NCAM1: variants seen among roughly 807,000 people sequenced by gnomAD.
NCAM1 encodes the protein antigen recognized by monoclonal antibody 5.1H11.
A neutral mutation model predicts 109.8 loss-of-function variants in NCAM1; 14 were observed. That is an observed-to-expected ratio of 0.13 (90% CI 0.08 to 0.20). The LOEUF (loss-of-function observed/expected upper bound fraction) is 0.20. NCAM1 is among the 10% of genes least tolerant of loss of function. The pLI, the probability that NCAM1 is intolerant of heterozygous loss-of-function variation, is 1.00. For synonymous variants in NCAM1, 418 were observed against 442.9 expected (o/e 0.94, Z 0.70); for missense variants, 774 against 1,109.9 (o/e 0.70, Z 4.30).
At chr11:113,098,477 T>C (rs1355640073) in intron 1 of NCAM1, among the ~76,000 whole-genome samples, 5 of 151,392 alleles carry the variant, frequency 3.3e-5, no homozygotes, top group African/African-American at 1.2e-4. Context: ...TTCAAATATA[T>C]TTGATCCACG....
At chr11:113,186,150 C>G (rs1417686498) in intron 1 of NCAM1, among the ~76,000 whole-genome samples, 1 of 152,198 alleles carries the variant, frequency 6.6e-6, no homozygotes, top group Non-Finnish European at 1.5e-5. Context: ...GTCCCCAGCC[C>G]TGGGCTGCAG....
At chr11:113,044,398 T>TA (rs1953189173) in intron 1 of NCAM1, among the ~76,000 whole-genome samples, 1 of 152,282 alleles carries the variant, frequency 6.6e-6, no homozygotes, top group Admixed American at 6.5e-5. Flanking sequence ...AAAACATGAT[T>TA]TGTAGGCTGG....
rs577445243 is a variant in NCAM1 at position 112,979,590 on chromosome 11, G to A, written c.52+17926G>A. ...TTAAAGCAGAGGAGACTTCTTTATT[G>A]CACTGACTCAGGTCGACTGGAATCT... On this transcript the variant is annotated intron_variant, in intron 1 of 19. Coordinates refer to ENST00000316851, the MANE Select transcript of NCAM1 (RefSeq NM_181351.5). 4.6e-5 allele frequency among the ~76,000 whole-genome samples: 7 copies of A among 151,878 alleles called. No individual in the cohort carries two copies. In the East Asian group the frequency reaches 1.4e-3, roughly 30 times the overall value.
intron 2 of NCAM1, among the ~76,000 whole-genome samples, chr11:113,203,153 A>G (rs1010230494): frequency 2.8e-4 from 42 of 152,328 alleles, no homozygotes; most frequent in African/African-American, 9.4e-4. Flanking sequence ...GATTCAGAAC[A>G]TGGAAGAACC....
intron 1 of NCAM1, among the ~76,000 whole-genome samples, chr11:113,058,538 T>C (rs1953798069): frequency 6.6e-6 from 1 of 152,198 alleles, no homozygotes; most frequent in Non-Finnish European, 1.5e-5. Context: ...CCTGTATTTA[T>C]AGACTCTTTA....
At chr11:113,199,829 T>TAAAAA (rs1555111558) in intron 1 of NCAM1, among the ~76,000 whole-genome samples, 5 of 115,774 alleles carry the variant, frequency 4.3e-5, no homozygotes, top group East Asian at 5.2e-4. Context: ...GAAACACCCT[T>TAAAAA]AAAAAAAAAA....
At position 113,088,548 on chromosome 11, in the gene NCAM1, ACTGATCAT is replaced by A. The variant is rs1939193625; in HGVS notation, c.53-113830_53-113823del. On this transcript the variant is annotated intron_variant, in intron 1 of 19. Transcript: ENST00000316851. Reference sequence around the variant, plus strand: ...CCATTTGATATGGCATAGCGATCTCACTGATCATTGGGTAAAACACTAGTACCTAGCTA... The same window carrying A: ...CCATTTGATATGGCATAGCGATCTCATGGGTAAAACACTAGTACCTAGCTA... 3.3e-4 allele frequency among the ~76,000 whole-genome samples: 3 copies of A among 9,204 alleles called. No individual in the cohort carries two copies. The African/African-American group carries it at 7.0e-3, about 21-fold the overall frequency. 6.0% of individuals were successfully genotyped at this position (9,204 alleles called of 152,430 possible). A position where few individuals can be genotyped will look rare whatever the true frequency, so the allele number is the denominator to read the frequency against.
At chr11:112,964,630 G>A (rs1278210336) in intron 1 of NCAM1, among the ~76,000 whole-genome samples, 1 of 152,190 alleles carries the variant, frequency 6.6e-6, no homozygotes, top group Non-Finnish European at 1.5e-5. Flanking sequence ...TTGACTGTGA[G>A]CACAGTTATA....
At chr11:113,009,197 G>A (rs1555073849) in intron 1 of NCAM1, among the ~76,000 whole-genome samples, 2 of 151,588 alleles carry the variant, frequency 1.3e-5, no homozygotes, top group Non-Finnish European at 2.9e-5. Context: ...GGACCACGTC[G>A]GTAGAATTAT....
intron 1 of NCAM1, among the ~76,000 whole-genome samples, chr11:113,184,491 T>C (rs781851858): frequency 6.6e-6 from 1 of 152,236 alleles, no homozygotes; most frequent in Non-Finnish European, 1.5e-5. Context: ...TTTTATGATT[T>C]ATAGCTAACT....
intron 1 of NCAM1, among the ~76,000 whole-genome samples, chr11:113,027,546 A>G (rs1555077582): frequency 6.6e-6 from 1 of 152,232 alleles, no homozygotes; most frequent in African/African-American, 2.4e-5. Context: ...TTCTGCCTTC[A>G]GCAAGGACTT....
In NCAM1 at chr11:113,254,724, TTC is replaced by T. The variant is rs1380289897; in HGVS notation, c.1829-1151_1829-1150del. 2.0e-4 allele frequency among the ~76,000 whole-genome samples: 30 copies of T among 152,320 alleles called. 1 individual carries two copies. The highest frequency in any genetic ancestry group is 1.8e-3 in the Admixed American group (28 of 15,306). ...TGGCTCTTCTGTCACACGTCTGTGA[TTC>T]TGTTTTCCAGAGAGCAAGCCAGAGT... On this transcript the variant is annotated intron_variant, in intron 15 of 19. Transcript: ENST00000316851.
At chr11:113,000,463 A>T (rs562962625) in intron 1 of NCAM1, among the ~76,000 whole-genome samples, 1 of 152,334 alleles carries the variant, frequency 6.6e-6, no homozygotes, top group South Asian at 2.1e-4. Flanking sequence ...AAGTATTATT[A>T]GTATTATTAT....
At chr11:113,145,593 T>G (rs996523904) in intron 1 of NCAM1, among the ~76,000 whole-genome samples, 1 of 152,238 alleles carries the variant, frequency 6.6e-6, no homozygotes. Context: ...TTTAAACACC[T>G]GTCTATCCGT....
intron 1 of NCAM1, among the ~76,000 whole-genome samples, chr11:113,149,932 C>G (rs1005194564): frequency 6.6e-6 from 1 of 152,074 alleles, no homozygotes; most frequent in Non-Finnish European, 1.5e-5. Context: ...GGGATTGACT[C>G]TCAGAAGAAA....
intron 1 of NCAM1, among the ~76,000 whole-genome samples, chr11:113,191,848 A>C (rs1943688431): frequency 6.6e-6 from 1 of 152,064 alleles, no homozygotes; most frequent in Non-Finnish European, 1.5e-5. Flanking sequence ...AATTCTTTGC[A>C]CTGGTTGTTG....
At position 113,225,039 on chromosome 11, in the gene NCAM1, A is replaced by G. The variant is rs530121963; in HGVS notation, c.1089+3714A>G. ...AAATCAGAGAACCTCTTCTTCTCCA[A>G]AGGAACGCAGCTCCTCACCAGCAGC... is the stretch of plus-strand genomic sequence containing the variant. On this transcript the variant is annotated intron_variant, in intron 9 of 19. Coordinates refer to ENST00000316851, the MANE Select transcript of NCAM1 (RefSeq NM_181351.5). Among the ~76,000 whole-genome samples, 6 of 152,350 alleles carry G rather than the reference A, an allele frequency of 3.9e-5. No individual in the cohort carries two copies. The South Asian group carries it at 1.2e-3, about 32-fold the overall frequency.
chr11:113,082,371 G>A (rs782740193), intron 1 of NCAM1, among the ~76,000 whole-genome samples: 5 of 152,178 alleles, frequency 3.3e-5, no homozygotes, highest in Admixed American at 6.5e-5. Context: ...TAAATTTTGA[G>A]AAAATGTTTT....
At chr11:113,119,261 C>T (rs1356033389) in intron 1 of NCAM1, among the ~76,000 whole-genome samples, 1 of 152,158 alleles carries the variant, frequency 6.6e-6, no homozygotes, top group Non-Finnish European at 1.5e-5. Flanking sequence ...CTAGACCTGC[C>T]ACATGGGAGG....
Sources: allele counts gnomAD v4.1 joint callset (sites outside exome capture counted in the v4.1 genomes callset), GRCh38; gene constraint gnomAD v4.1.1; transcripts MANE v1.5; gene names NCBI Gene and HGNC (gene_info 2026-07-23, HGNC 2026-07-21).